The following GTF2A1 variants were observed in gnomAD, a reference collection of about 807,000 sequenced individuals.
GTF2A1 encodes general transcription factor IIA subunit 1.
In GTF2A1, 12 loss-of-function variants were observed where a neutral mutation model predicts 54.1. That is an observed-to-expected ratio of 0.22 (90% CI 0.14 to 0.36). The LOEUF (loss-of-function observed/expected upper bound fraction) is 0.36. Ranked by LOEUF, GTF2A1 falls within the 10% of genes least tolerant of loss-of-function variation. The pLI is 1.00. For synonymous variants in GTF2A1, 145 were observed against 152.0 expected, an observed-to-expected ratio of 0.95 and a Z score of 0.34; for missense variants, 335 against 442.2, an observed-to-expected ratio of 0.76 and a Z score of 2.17.
At position 81,180,345 on chromosome 14, in the gene GTF2A1, C is replaced by G. The variant is rs1355256941; in HGVS notation, c.1024-15G>C. 3.6e-6 allele frequency: 4 copies of G among 1,098,240 alleles called. No homozygotes were observed. The highest frequency in any genetic ancestry group is 5.5e-6 in the Non-Finnish European group (4 of 726,218). 68.0% of individuals were successfully genotyped at this position (1,098,240 alleles called of 1,614,324 possible). A position where few individuals can be genotyped will look rare whatever the true frequency, so the allele number is the denominator to read the frequency against. On this transcript the variant is annotated splice_polypyrimidine_tract_variant and intron_variant, in intron 8 of 8. Coordinates refer to ENST00000553612, the MANE Select transcript of GTF2A1 (RefSeq NM_015859.4). ...CTTCTGTGTATCTAAACAAAAACAACATTTTAAAAATTGAGAGATACAATC... is the reference window on the plus strand; with the variant it reads ...CTTCTGTGTATCTAAACAAAAACAAGATTTTAAAAATTGAGAGATACAATC...
chr14:81,186,025 G>A (rs1892737153), intron 7 of GTF2A1, among the ~76,000 whole-genome samples: 1 of 152,066 alleles, frequency 6.6e-6, no homozygotes, highest in African/African-American at 2.4e-5. Context: ...GCTAATTTTT[G>A]TGTTTTTAGT....
In GTF2A1 at chr14:81,196,155, T is replaced by C; in HGVS notation, c.565A>G (p.Ile189Val). The C allele has an allele frequency of 6.2e-7, 1 of 1,613,866 alleles. No homozygotes were observed. Residue 189 changes from isoleucine (I) to valine (V), a missense_variant, in exon 6 of 9, where the codon ATA (isoleucine) becomes GTA (valine). This residue lies in a region of GTF2A1 where 306 missense variants were observed against 360.4 expected (regional missense o/e 0.85). Coordinates refer to ENST00000553612, the MANE Select transcript of GTF2A1 (RefSeq NM_015859.4). ...QQSVVLQQQV[I>V]PQMQPGGVQA... ...ACTCCACCAGGCTGCATTTGTGGTA[T>C]AACCTGTTGTTGTAGAACCACTGAC...
At chr14:81,191,899 C>T (rs1168530121) in intron 7 of GTF2A1, among the ~76,000 whole-genome samples, 1 of 152,106 alleles carries the variant, frequency 6.6e-6, no homozygotes, top group African/African-American at 2.4e-5. Flanking sequence ...AAAAAGACTG[C>T]ATTTTAGGCT....
chr14:81,201,008 C>A (rs945662772), intron 4 of GTF2A1, among the ~76,000 whole-genome samples: 1 of 151,634 alleles, frequency 6.6e-6, no homozygotes, highest in African/African-American at 2.4e-5. Context: ...TATTATATGT[C>A]TGAAATGTAA....
At chr14:81,216,107 A>G (rs566009000) in intron 2 of GTF2A1, among the ~76,000 whole-genome samples, 23 of 152,376 alleles carry the variant, frequency 1.5e-4, no homozygotes, top group African/African-American at 5.5e-4. Flanking sequence ...TTAACTATCC[A>G]ATAATAACTG....
chr14:81,181,986 ATTAAGTTATTCCTT>A (rs1015771203), intron 8 of GTF2A1, among the ~76,000 whole-genome samples: 2 of 152,316 alleles, frequency 1.3e-5, no homozygotes, highest in African/African-American at 4.8e-5. Flanking sequence ...AGAATTTCAA[ATTAAGTTATTCCTT>A]TTTGGAACAG....
At chr14:81,211,941 C>A (rs1467783393) in intron 2 of GTF2A1, among the ~76,000 whole-genome samples, 2 of 129,886 alleles carry the variant, frequency 1.5e-5, no homozygotes, top group Non-Finnish European at 3.1e-5. Context: ...TGGTTCTCAG[C>A]CAGAGGTGAT....
At chr14:81,205,154 T>G (rs1276926783) in intron 2 of GTF2A1, among the ~76,000 whole-genome samples, 1 of 152,090 alleles carries the variant, frequency 6.6e-6, no homozygotes, top group Non-Finnish European at 1.5e-5. Flanking sequence ...AGTGACAAGA[T>G]CTCACTATGT....
At chr14:81,214,763 G>C (rs1193001536) in intron 2 of GTF2A1, among the ~76,000 whole-genome samples, 1 of 104,780 alleles carries the variant, frequency 9.5e-6, no homozygotes, top group Non-Finnish European at 2.1e-5. Context: ...AATTTGTTTA[G>C]AAATAATGGA....
Position 81,192,746 on chromosome 14 carries a change from T to A in GTF2A1, c.706A>T (p.Ile236Leu). The change falls in exon 7 of 9, where the codon ATA (isoleucine) becomes TTA (leucine). Residue 236 changes from isoleucine to leucine, a missense_variant. By Grantham distance (5) the Ile-to-Leu change is conservative (BLOSUM62 2). This residue lies in a region of GTF2A1 where 306 missense variants were observed against 360.4 expected (regional missense o/e 0.85). Transcript: ENST00000553612. Reference protein sequence around the residue: ...ILFTGNKTQVIPTTVAAPTPA... With the variant: ...ILFTGNKTQVLPTTVAAPTPA... The stretch of plus-strand genomic sequence containing the variant: ...GTAGGTGCTGCCACTGTCGTAGGTA[T>A]AACTTGAGTCTTATTTCCTGTAAAT... 1 of 1,613,544 alleles carries A rather than the reference T, an allele frequency of 6.2e-7. No individual in the cohort carries two copies. The highest frequency in any genetic ancestry group is 8.5e-7 in the Non-Finnish European group (1 of 1,179,404).
At chr14:81,200,336 A>C (rs948328256) in intron 4 of GTF2A1, among the ~76,000 whole-genome samples, 1 of 152,076 alleles carries the variant, frequency 6.6e-6, no homozygotes, top group Admixed American at 6.6e-5. Flanking sequence ...TTAAAAAAAA[A>C]CTTGAGGCTG....
chr14:81,201,744 CTTTTTTCAT>C (rs1470921589), intron 3 of GTF2A1, 86 bp from the exon 4 acceptor site: 1 of 881,862 alleles, frequency 1.1e-6, no homozygotes, highest in Non-Finnish European at 1.9e-6. Context: ...ATGATGAAAA[CTTTTTTCAT>C]GTTTTTCATG....
intron 8 of GTF2A1, 98 bp from the exon 9 acceptor site, chr14:81,180,428 C>A (rs979344420): frequency 1.1e-5 from 7 of 630,640 alleles, no homozygotes; most frequent in African/African-American, 3.8e-5. Flanking sequence ...TACACACACA[C>A]CCCCCCACAA....
intron 2 of GTF2A1, among the ~76,000 whole-genome samples, chr14:81,211,875 T>TATATATATATA (rs1419902730): frequency 0.014 from 988 of 68,358 alleles, 51 homozygotes; most frequent in African/African-American, 0.025. Context: ...ATCAAGTACT[T>TATATATATATA]TATATATATA....
chr14:81,203,741 G>C (rs1279619777), intron 3 of GTF2A1, among the ~76,000 whole-genome samples, 159 bp downstream of exon 3: 1 of 152,138 alleles, frequency 6.6e-6, no homozygotes, highest in Non-Finnish European at 1.5e-5. Context: ...AGAGAAAGGG[G>C]GGAAAAAGCC....
intron 2 of GTF2A1, chr14:81,209,849 A>C: frequency 1.8e-6 from 2 of 1,096,366 alleles, no homozygotes; most frequent in Non-Finnish European, 2.5e-6. Flanking sequence ...TGCATAAAAG[A>C]CATTTCTATT....
chr14:81,209,940 A>G, intron 2 of GTF2A1: 1 of 1,241,818 alleles, frequency 8.1e-7, no homozygotes, highest in Non-Finnish European at 1.1e-6. Context: ...TCAGGATCTA[A>G]TTTCAAAGAA....
At chr14:81,202,784 G>A (rs777597566) in intron 3 of GTF2A1, 2 of 517,778 alleles carry the variant, frequency 3.9e-6, no homozygotes, top group Non-Finnish European at 7.7e-6. Flanking sequence ...AATTTATGAT[G>A]ACCTAAAATC....
intron 5 of GTF2A1, 107 bp downstream of exon 5, chr14:81,197,302 A>G: frequency 1.6e-6 from 1 of 640,422 alleles, no homozygotes; most frequent in Non-Finnish European, 2.8e-6. Context: ...ACCAAATGGT[A>G]AAAGAAATAT....
Sources: allele counts gnomAD v4.1 joint callset (sites outside exome capture counted in the v4.1 genomes callset), GRCh38; gene constraint gnomAD v4.1.1; regional missense constraint gnomAD v4.1.1; transcripts MANE v1.5; gene names NCBI Gene and HGNC (gene_info 2026-07-23, HGNC 2026-07-21).